The following PCDHGA4 variants were observed in gnomAD, a reference collection of about 807,000 sequenced individuals.
PCDHGA4 encodes the protein protocadherin gamma-A4.
In PCDHGA4, 38 loss-of-function variants were observed where a neutral mutation model predicts 54.6. The observed-to-expected ratio is 0.70, with a 90% confidence interval of 0.54 to 0.91. PCDHGA4 has a LOEUF of 0.91. PCDHGA4 is among the 40% of genes least tolerant of loss of function. PCDHGA4 has a pLI of 0.00. For missense variants in PCDHGA4, 1,298 were observed against 1,220.9 expected (o/e 1.06, Z -0.94); for synonymous variants, 511 against 512.9 (o/e 1.00, Z 0.05).
At chr5:141,497,956 C>T (rs2099780659) in intron 2 of PCDHGA4, among the ~76,000 whole-genome samples, 1 of 152,214 alleles carries the variant, frequency 6.6e-6, no homozygotes, top group African/African-American at 2.4e-5. Flanking sequence ...TTCTGTTGGC[C>T]AGGCAGTGTT....
At chr5:141,360,101 C>G in intron 1 of PCDHGA4, 1 of 1,533,062 alleles carries the variant, frequency 6.5e-7, no homozygotes, top group East Asian at 2.4e-5. Context: ...AAGGCTTATT[C>G]CTCCTATGGG....
rs757707945 is a variant in PCDHGA4 at position 141,399,045 on chromosome 5, A to C, written c.2514+41424A>C. On this transcript the variant is annotated intron_variant, in intron 1 of 3. Coordinates refer to ENST00000571252, the MANE Select transcript of PCDHGA4 (RefSeq NM_018917.4). ...CCACTCAAAAGAAACTGGATTTTGAAGAGACCAAGGAATATTCAATGGTTG... is the reference window on the plus strand; with the variant it reads ...CCACTCAAAAGAAACTGGATTTTGACGAGACCAAGGAATATTCAATGGTTG... The C allele has an allele frequency of 3.1e-6, 5 of 1,613,878 alleles. No individual in the cohort carries two copies. The Admixed American group carries it at 5.0e-5, about 16-fold the overall frequency.
intron 1 of PCDHGA4, chr5:141,399,154 G>T (rs780620346): frequency 1.2e-6 from 2 of 1,613,850 alleles, no homozygotes; most frequent in South Asian, 1.1e-5. Context: ...TAGCCCAGAA[G>T]TTACATTCCA....
intron 1 of PCDHGA4, chr5:141,478,595 T>A: frequency 6.4e-7 from 1 of 1,567,880 alleles, no homozygotes; most frequent in Non-Finnish European, 8.7e-7. Flanking sequence ...TTTTTATTCC[T>A]ACATCATATT....
chr5:141,394,077 G>T (rs2092915591), intron 1 of PCDHGA4: 2 of 1,613,828 alleles, frequency 1.2e-6, no homozygotes, highest in Non-Finnish European at 1.7e-6. Context: ...CAATATCACA[G>T]TGATGGCCTC....
intron 1 of PCDHGA4, among the ~76,000 whole-genome samples, chr5:141,447,353 G>C (rs559895274): frequency 6.6e-6 from 1 of 152,032 alleles, no homozygotes; most frequent in Admixed American, 6.6e-5. Context: ...TGGTCAGGCT[G>C]GTCTCAAACT....
chr5:141,450,210 G>T (rs2098673599), intron 1 of PCDHGA4, among the ~76,000 whole-genome samples: 1 of 151,786 alleles, frequency 6.6e-6, no homozygotes. Flanking sequence ...TAGAGACAAG[G>T]TTTCACTATG....
rs752112707 is a variant in PCDHGA4, at chr5:141,376,279, A to G, written c.2514+18658A>G. 22 of 1,614,054 alleles carry G rather than the reference A, an allele frequency of 1.4e-5. No homozygotes were observed. The Admixed American group carries it at 1.8e-4, about 13-fold the overall frequency. ...TGCTGCAGGCTTCGGGAGGTGGCTT[A>G]GCGAGCATGCCCGGCTCGCACTTTG... is the stretch of plus-strand genomic sequence containing the variant. On this transcript the variant is annotated intron_variant, in intron 1 of 3. Coordinates refer to ENST00000571252, the MANE Select transcript of PCDHGA4 (RefSeq NM_018917.4).
chr5:141,437,756 T>A (rs1208576922), intron 1 of PCDHGA4, among the ~76,000 whole-genome samples: 1 of 151,718 alleles, frequency 6.6e-6, no homozygotes, highest in Non-Finnish European at 1.5e-5. Flanking sequence ...TTTTTTTTTT[T>A]GAGACAGAGT....
intron 1 of PCDHGA4, among the ~76,000 whole-genome samples, chr5:141,380,453 A>T (rs1776506198): frequency 6.6e-6 from 1 of 152,216 alleles, no homozygotes; most frequent in Non-Finnish European, 1.5e-5. Context: ...TTTTAATGCA[A>T]CCAAACAAAT....
At chr5:141,470,736 C>A (rs541510544) in intron 1 of PCDHGA4, among the ~76,000 whole-genome samples, 1 of 152,092 alleles carries the variant, frequency 6.6e-6, no homozygotes, top group Non-Finnish European at 1.5e-5. Context: ...CTTGCTCTGT[C>A]GCCCTGGCTG....
intron 1 of PCDHGA4, chr5:141,403,757 C>G (rs1326659106): frequency 6.2e-7 from 1 of 1,613,766 alleles, no homozygotes; most frequent in Non-Finnish European, 8.5e-7. Flanking sequence ...AGCCAGCGAC[C>G]TGGATGAGGG....
chr5:141,489,254 C>T lies in PCDHGA4; in HGVS notation c.2515-5553C>T, dbSNP rs2099684538. 2 of 1,548,628 alleles carry T rather than the reference C, an allele frequency of 1.3e-6. No homozygotes were observed. Among genetic ancestry groups the T allele is most frequent in the African/African-American group, 1.4e-5 (1 of 73,008 alleles). ...GACTTCTGGGTCATGGGGCCCAAGA[C>T]ACTCCCACAGCTCGCTGGGAAATGG... is the stretch of plus-strand genomic sequence containing the variant. On this transcript the variant is annotated intron_variant, in intron 1 of 3. Transcript: ENST00000571252. This position sits in a 1 kb window ranked among gnomAD's most constrained non-coding sequence, Gnocchi z 4.5.
chr5:141,450,985 C>T (rs533993975), intron 1 of PCDHGA4, among the ~76,000 whole-genome samples: 22 of 151,876 alleles, frequency 1.4e-4, no homozygotes, highest in African/African-American at 3.9e-4. Flanking sequence ...CCACCACACC[C>T]GGCTAATTTT....
chr5:141,400,387 C>T, intron 1 of PCDHGA4: 2 of 1,614,068 alleles, frequency 1.2e-6, no homozygotes, highest in Non-Finnish European at 1.7e-6. Context: ...ATGTGTTGCA[C>T]ATACAGGAAA....
intron 3 of PCDHGA4, among the ~76,000 whole-genome samples, chr5:141,509,022 C>G (rs2099873807): frequency 6.6e-6 from 1 of 152,206 alleles, no homozygotes; most frequent in East Asian, 1.9e-4. Context: ...CAGCTGCTCC[C>G]TCCCACTCAA....
At chr5:141,382,828 G>T (rs986779175) in intron 1 of PCDHGA4, 1 of 1,372,334 alleles carries the variant, frequency 7.3e-7, no homozygotes. Context: ...AGACAGAGGG[G>T]TCCACCCGGA....
chr5:141,438,392 A>C (rs2097958012), intron 1 of PCDHGA4, among the ~76,000 whole-genome samples: 1 of 151,714 alleles, frequency 6.6e-6, no homozygotes, highest in African/African-American at 2.4e-5. Context: ...TTAGTTCATC[A>C]TTAACTCTCT....
Position 141,431,910 on chromosome 5 carries a change from G to A in PCDHGA4, c.2515-62897G>A. The A allele has an allele frequency of 6.2e-7, 1 of 1,614,096 alleles. No individual in the cohort carries two copies. Among genetic ancestry groups the A allele is most frequent in the Non-Finnish European group, 8.5e-7 (1 of 1,179,934 alleles). On this transcript the variant is annotated intron_variant, in intron 1 of 3. Transcript: ENST00000571252. This position sits in a 1 kb window ranked among gnomAD's most constrained non-coding sequence, Gnocchi z 4.8. ...TCTGAGGAAAACGGACAGGTGATCTGTTTCATCCAAGGAAATCTGCCCTTT... is the reference window on the plus strand; with the variant it reads ...TCTGAGGAAAACGGACAGGTGATCTATTTCATCCAAGGAAATCTGCCCTTT...
Sources: gnomAD v4.1 joint callset for allele counts (sites outside exome capture counted in the v4.1 genomes callset) on GRCh38, gnomAD v4.1.1 for gene constraint, Gnocchi (gnomAD v3.1) non-coding constraint, MANE v1.5 for transcripts, NCBI Gene and HGNC (gene_info 2026-07-23, HGNC 2026-07-21) for gene names.